SLIT1: variants seen among roughly 807,000 people sequenced by gnomAD.
SLIT1 encodes slit guidance ligand 1, also known as slit homolog 1 protein.
In SLIT1, 66 loss-of-function variants were observed where a neutral mutation model predicts 186.1. The ratio of observed to expected loss-of-function variants is 0.35; its 90% CI spans 0.29 to 0.44. The LOEUF is 0.44. SLIT1 is among the 20% of genes least tolerant of loss of function. The pLI is 1.00. For missense variants in SLIT1, 1,638 were observed against 2,037.4 expected (o/e 0.80, Z 3.77); for synonymous variants, 761 against 833.8 (o/e 0.91, Z 1.50).
chr10:97,045,994 C>T, intron 18 of SLIT1, among the ~76,000 whole-genome samples: 1 of 152,190 alleles, frequency 6.6e-6, no homozygotes, highest in East Asian at 1.9e-4. Context: ...TTCAACTGCT[C>T]CACAGCCACA....
rs571587258 is a variant in SLIT1 at position 97,002,189 on chromosome 10, G to T, written c.4335C>A (p.Asp1445Glu). The T allele has an allele frequency of 1.2e-5, 19 of 1,524,048 alleles. No homozygotes were observed. The South Asian group carries it at 1.5e-4, about 12-fold the overall frequency. 94.4% of individuals were successfully genotyped at this position (1,524,048 alleles called of 1,614,324 possible). A position where few individuals can be genotyped will look rare whatever the true frequency, so the allele number is the denominator to read the frequency against. ...SGTKGAHCVC[D>E]PGFSGELCEQ... ...CACACAGCTCGCCCGAAAAGCCGGG[G>T]TCACACACACAGTGTGCCCCCTTGG... Residue 1445 changes from aspartate (D) to glutamate (E), a missense_variant, in exon 36 of 37, where the codon GAC becomes GAA. Transcript: ENST00000266058.
chr10:97,063,668 C>A, intron 7 of SLIT1, 50 bp from the exon 8 acceptor site: 1 of 1,522,236 alleles, frequency 6.6e-7, no homozygotes, highest in South Asian at 1.3e-5. Flanking sequence ...CCCAGCCCAG[C>A]CTGATTGTGG....
intron 4 of SLIT1, among the ~76,000 whole-genome samples, chr10:97,120,457 T>C (rs1218425416): frequency 6.6e-6 from 1 of 152,212 alleles, no homozygotes; most frequent in Non-Finnish European, 1.5e-5. Flanking sequence ...TGCTCCCATT[T>C]CACAGTTAAA....
At chr10:97,007,124 G>A (rs957264233) in intron 31 of SLIT1, among the ~76,000 whole-genome samples, 1 of 151,994 alleles carries the variant, frequency 6.6e-6, no homozygotes, top group Admixed American at 6.6e-5. Flanking sequence ...AATAAAAGAA[G>A]GGACATTACT....
intron 4 of SLIT1, among the ~76,000 whole-genome samples, chr10:97,076,030 C>T (rs1849042407): frequency 6.6e-6 from 1 of 152,140 alleles, no homozygotes; most frequent in African/African-American, 2.4e-5. Flanking sequence ...TGCAGCTCAC[C>T]AAGGCCCGCC....
At chr10:97,140,045 T>C (rs2784933) in intron 4 of SLIT1, among the ~76,000 whole-genome samples, 151,129 of 152,224 alleles carry the variant, frequency 0.99, 75,036 homozygotes, top group Middle Eastern at 1. Context: ...CCTTGCAGGG[T>C]GATGAAACCC....
At chr10:97,166,613 A>G (rs1415625112) in intron 1 of SLIT1, among the ~76,000 whole-genome samples, 10 of 73,916 alleles carry the variant, frequency 1.4e-4, no homozygotes, top group East Asian at 6.6e-4. Context: ...GAAAGAAAGA[A>G]AGAAAGAAAG....
chr10:97,057,968 G>A (rs1848856637), intron 11 of SLIT1: 3 of 717,290 alleles, frequency 4.2e-6, no homozygotes, highest in Non-Finnish European at 7.8e-6. Flanking sequence ...CGTTCAAGCT[G>A]AGTAAAAAAT....
At position 97,061,201 on chromosome 10, in the gene SLIT1, T is replaced by G. The variant is rs555486459; in HGVS notation, c.794-414A>C. Among the ~76,000 whole-genome samples, 9 of 152,346 alleles carry G rather than the reference T, an allele frequency of 5.9e-5. No homozygotes were observed. The East Asian group carries it at 1.7e-3, about 29-fold the overall frequency. On this transcript the variant is annotated intron_variant, in intron 8 of 36. Coordinates refer to ENST00000266058, the MANE Select transcript of SLIT1 (RefSeq NM_003061.3). ...CACATGCTATAATAAGTGCACTACA[T>G]GCAGCATTGCATTTAAGCCTAAGAG... is the stretch of plus-strand genomic sequence containing the variant.
At chr10:97,109,360 G>A (rs1849443928) in intron 4 of SLIT1, among the ~76,000 whole-genome samples, 1 of 152,162 alleles carries the variant, frequency 6.6e-6, no homozygotes, top group African/African-American at 2.4e-5. Context: ...TGAGTAGAGA[G>A]TGCTCTGAGA....
At chr10:97,178,804 T>C (rs1481035883) in intron 1 of SLIT1, among the ~76,000 whole-genome samples, 2 of 152,096 alleles carry the variant, frequency 1.3e-5, no homozygotes, top group Non-Finnish European at 2.9e-5. Context: ...TGTGTGTGTG[T>C]GTGTGTGTGT....
chr10:97,175,494 G>A (rs745940443), intron 1 of SLIT1, among the ~76,000 whole-genome samples: 12 of 152,132 alleles, frequency 7.9e-5, no homozygotes, highest in Admixed American at 6.5e-4. Flanking sequence ...TAGCTGCACC[G>A]TTTCACATCC....
rs192862551 is a variant in SLIT1 at position 97,068,519 on chromosome 10, T to C, written c.414-2433A>G. 2.1e-4 allele frequency among the ~76,000 whole-genome samples: 32 copies of C among 152,050 alleles called. No individual in the cohort carries two copies. The highest frequency in any genetic ancestry group is 6.7e-4 in the African/African-American group (28 of 41,484). Reference sequence around the variant, plus strand: ...GCCTTGGCACCATCAGTGCCCCTCGTTCTTGCTCTCTATTGCTCTCTCTCT... The same window carrying C: ...GCCTTGGCACCATCAGTGCCCCTCGCTCTTGCTCTCTATTGCTCTCTCTCT... On this transcript the variant is annotated intron_variant, in intron 4 of 36. Coordinates refer to ENST00000266058, the MANE Select transcript of SLIT1 (RefSeq NM_003061.3). The surrounding 1 kb of genome is among the most constrained non-coding windows in gnomAD (Gnocchi z 4.2).
At chr10:97,105,066 T>C (rs1849399432) in intron 4 of SLIT1, among the ~76,000 whole-genome samples, 1 of 152,122 alleles carries the variant, frequency 6.6e-6, no homozygotes, top group Admixed American at 6.5e-5. Context: ...GCCCCCTCCA[T>C]GTGACAGAGA....
At chr10:97,177,354 C>T (rs1407719290) in intron 1 of SLIT1, among the ~76,000 whole-genome samples, 3 of 152,212 alleles carry the variant, frequency 2.0e-5, no homozygotes, top group African/African-American at 7.2e-5. Context: ...GTCCCAAGAT[C>T]ACTCTCTCAG....
chr10:97,011,542 CCA>C (rs1258755115), intron 30 of SLIT1, among the ~76,000 whole-genome samples: 1 of 152,138 alleles, frequency 6.6e-6, no homozygotes, highest in Admixed American at 6.5e-5. Flanking sequence ...TGACTGAGTT[CCA>C]CAGGCTCCCC....
At position 97,179,805 on chromosome 10, in the gene SLIT1, G is replaced by T. The variant is rs9419834; in HGVS notation, c.197+5673C>A. ...GGAGCCAATTCTCCACACCCTCCCCGCCCCCCGGCACAGCCCAGCTCCCTG... is the reference window on the plus strand; with the variant it reads ...GGAGCCAATTCTCCACACCCTCCCCTCCCCCCGGCACAGCCCAGCTCCCTG... On this transcript the variant is annotated intron_variant, in intron 1 of 36. Transcript: ENST00000266058. Among the ~76,000 whole-genome samples the T allele has an allele frequency of 8.1e-5, 11 of 136,184 alleles. 1 individual carries two copies. The Admixed American group carries it at 8.4e-4, about 10-fold the overall frequency. The allele number at this position is 136,184 out of a possible 152,430, so 89.3% of individuals were successfully genotyped here.
chr10:97,058,966 C>T (rs771404110), intron 11 of SLIT1, among the ~76,000 whole-genome samples: 4 of 152,170 alleles, frequency 2.6e-5, no homozygotes, highest in South Asian at 2.1e-4. Context: ...GAAGGAGGAG[C>T]GGGCAAACAC....
At chr10:97,074,619 G>A (rs1289776230) in intron 4 of SLIT1, among the ~76,000 whole-genome samples, 1 of 152,234 alleles carries the variant, frequency 6.6e-6, no homozygotes, top group Non-Finnish European at 1.5e-5. Context: ...GGGCCCTGCA[G>A]ACAAAGCATG....
Sources: allele counts gnomAD v4.1 joint callset (sites outside exome capture counted in the v4.1 genomes callset), GRCh38; gene constraint gnomAD v4.1.1; non-coding constraint Gnocchi (gnomAD v3.1); transcripts MANE v1.5; gene names NCBI Gene and HGNC (gene_info 2026-07-23, HGNC 2026-07-21).